Variants in USP40 observed in about 807,000 individuals in gnomAD.
The protein encoded by USP40 is ubiquitin specific peptidase 40, also known as ubiquitin carboxyl-terminal hydrolase 40.
A neutral mutation model predicts 166.2 loss-of-function variants in USP40; 143 were observed. The observed-to-expected ratio is 0.86, with a 90% CI of 0.75 to 0.99. USP40 has a LOEUF of 0.99. Among genes scored for constraint, USP40 ranks in the 50% least tolerant of loss-of-function variants. The probability of loss-of-function intolerance (pLI) is 0.00; values close to 1 mark genes in which losing one functional copy is unlikely to be tolerated. For missense variants in USP40, 1,444 were observed against 1,479.7 expected, an observed-to-expected ratio of 0.98 and a Z score of 0.40; for synonymous variants, 498 against 524.0, an observed-to-expected ratio of 0.95 and a Z score of 0.68.
chr2:233,537,308 T>TG (rs533217306), intron 10 of USP40, among the ~76,000 whole-genome samples: 23 of 152,320 alleles, frequency 1.5e-4, no homozygotes, highest in African/African-American at 5.5e-4. Flanking sequence ...GGGTGTCATC[T>TG]GGGGATTCTA....
chr2:233,495,559 C>G (rs2065697052), intron 24 of USP40, among the ~76,000 whole-genome samples: 1 of 152,064 alleles, frequency 6.6e-6, no homozygotes. Context: ...GCCTAGCCTA[C>G]CTTTTATCTC....
intron 23 of USP40, 118 bp from the exon 24 acceptor site, chr2:233,496,950 G>C: frequency 1.5e-6 from 1 of 666,184 alleles, no homozygotes; most frequent in Non-Finnish European, 2.5e-6. Context: ...TAATAAAGCA[G>C]ATATGGAAGA....
intron 11 of USP40, 71 bp from the exon 12 acceptor site, chr2:233,529,583 G>C (rs2068328543): frequency 1.8e-6 from 2 of 1,094,588 alleles, no homozygotes; most frequent in African/African-American, 2.1e-5. Flanking sequence ...GTAGCATGAA[G>C]ACTAGGAAGG....
chr2:233,488,516 G>A (rs2065098075), intron 27 of USP40, among the ~76,000 whole-genome samples: 1 of 152,186 alleles, frequency 6.6e-6, no homozygotes, highest in South Asian at 2.1e-4. Flanking sequence ...AAACATGTAG[G>A]TCTGGCTCTG....
Position 233,540,736 on chromosome 2 carries a change from C to A in USP40, c.1096G>T (p.Gly366Cys). 6.2e-7 allele frequency: 1 copy of A among 1,613,250 alleles called. No individual in the cohort carries two copies. The highest frequency in any genetic ancestry group is 8.5e-7 in the Non-Finnish European group (1 of 1,179,578). Residue 366 changes from glycine (G) to cysteine (C), a missense_variant, in exon 10 of 32, where the codon GGC becomes TGC. Coordinates refer to ENST00000678225, the MANE Select transcript of USP40 (RefSeq NM_001365479.2). ...ENNLIPVDQL[G>C]QKLLKKIGIS... ...CCTATCTTTTTCAAAAGTTTCTGGCCCAGCTGATCAACAGGAATTAGATTA... is the reference window on the plus strand; with the variant it reads ...CCTATCTTTTTCAAAAGTTTCTGGCACAGCTGATCAACAGGAATTAGATTA...
intron 6 of USP40, among the ~76,000 whole-genome samples, chr2:233,553,961 T>C (rs2070816997): frequency 6.6e-6 from 1 of 152,176 alleles, no homozygotes; most frequent in Admixed American, 6.5e-5. Context: ...CTATATTGGA[T>C]TTGCCAGAGT....
intron 18 of USP40, among the ~76,000 whole-genome samples, chr2:233,515,274 G>A (rs984926764): frequency 6.6e-6 from 1 of 152,186 alleles, no homozygotes; most frequent in Non-Finnish European, 1.5e-5. Context: ...GTAAGTGGAT[G>A]TTTAAATTTA....
intron 10 of USP40, among the ~76,000 whole-genome samples, 176 bp from the exon 11 acceptor site, chr2:233,533,955 C>G (rs1323144263): frequency 1.3e-5 from 2 of 152,172 alleles, no homozygotes; most frequent in African/African-American, 4.8e-5. Flanking sequence ...AATAAAACCA[C>G]AGTGCTCTGT....
At chr2:233,488,587 G>A (rs1036153552) in intron 27 of USP40, among the ~76,000 whole-genome samples, 13 of 152,226 alleles carry the variant, frequency 8.5e-5, no homozygotes, top group African/African-American at 3.1e-4. Context: ...AGATTCTCAT[G>A]CCAGTCACTT....
Position 233,565,399 on chromosome 2 carries a change from GAGGTAAC to G in USP40, c.149_155del (p.Cys50SerfsTer56), listed in dbSNP as rs1218241521. The G allele has an allele frequency of 6.5e-7, 1 of 1,537,148 alleles. No individual in the cohort carries two copies. Among genetic ancestry groups the G allele is most frequent in the African/African-American group, 1.4e-5 (1 of 73,040 alleles). On this transcript the variant is annotated frameshift_variant, in exon 2 of 32. Coordinates refer to ENST00000678225, the MANE Select transcript of USP40 (RefSeq NM_001365479.2). LOFTEE classifies it high-confidence loss of function. ...AATGAAGAGTCTGAAGAAGGGAATTGAGGTAACAGGTTCCACCCTGATTTCTGATTCC... is the reference window on the plus strand; with the variant it reads ...AATGAAGAGTCTGAAGAAGGGAATTGAGGTTCCACCCTGATTTCTGATTCC...
At position 233,559,791 on chromosome 2, in the gene USP40, T is replaced by TA; in HGVS notation, c.381+19dup. ...TCCTCTATTGCTGGTAACTCTTCCT[T>TA]AAAGAGCTGATCCTCGTACCTCATT... is the stretch of plus-strand genomic sequence containing the variant. On this transcript the variant is annotated intron_variant, in intron 4 of 31. Coordinates refer to ENST00000678225, the MANE Select transcript of USP40 (RefSeq NM_001365479.2). The TA allele has an allele frequency of 6.4e-7, 1 of 1,553,418 alleles. No individual in the cohort carries two copies. Among genetic ancestry groups the TA allele is most frequent in the South Asian group, 1.2e-5 (1 of 84,046 alleles).
Position 233,529,345 on chromosome 2 carries a change from A to T in USP40, c.1553+86T>A. On this transcript the variant is annotated intron_variant, in intron 12 of 31. Transcript: ENST00000678225. ...CAAGTTGACTATTTTTTTTCTTTTT[A>T]ATTTTCATTACTGAATGCTTAAGGC... 8.6e-6 allele frequency: 10 copies of T among 1,162,596 alleles called. No individual in the cohort carries two copies. In the Admixed American group the frequency reaches 1.2e-4, roughly 14 times the overall value. 72.0% of individuals were successfully genotyped at this position (1,162,596 alleles called of 1,614,324 possible). A position where few individuals can be genotyped will look rare whatever the true frequency, so the allele number is the denominator to read the frequency against.
rs879790967 is a variant in USP40, at chr2:233,482,363, C to CAA, written c.3505-1068_3505-1067dup. ...TGGGTGACAGAGTGAGACTCTGTCT[C>CAA]AAAAAAAAAAAAAAATCTGTCAATT... On this transcript the variant is annotated intron_variant, in intron 30 of 31. Coordinates refer to ENST00000678225, the MANE Select transcript of USP40 (RefSeq NM_001365479.2). Among the ~76,000 whole-genome samples, 859 of 119,388 alleles carry CAA rather than the reference C, an allele frequency of 7.2e-3. 4 individuals carry two copies. Among genetic ancestry groups the CAA allele is most frequent in the African/African-American group, 0.025 (811 of 31,978 alleles). The allele number at this position is 119,388 out of a possible 152,430, so 78.3% of individuals were successfully genotyped here. A position where few individuals can be genotyped will look rare whatever the true frequency, so the allele number is the denominator to read the frequency against.
chr2:233,510,392 CTTTT>C (rs1158427662), intron 20 of USP40, among the ~76,000 whole-genome samples: 19 of 68,684 alleles, frequency 2.8e-4, no homozygotes, highest in African/African-American at 8.9e-4. Flanking sequence ...CTTTTTCTTT[CTTTT>C]TTTTTTTTTT....
intron 11 of USP40, among the ~76,000 whole-genome samples, chr2:233,533,061 A>T (rs2068665759): frequency 6.6e-6 from 1 of 152,016 alleles, no homozygotes; most frequent in African/African-American, 2.4e-5. Flanking sequence ...AAAATAAAGG[A>T]GAAGATATAA....
In USP40 at chr2:233,562,775, C is replaced by A; in HGVS notation, c.228G>T (p.Glu76Asp). The A allele has an allele frequency of 6.5e-7, 1 of 1,536,514 alleles. No homozygotes were observed. Among genetic ancestry groups the A allele is most frequent in the Non-Finnish European group, 8.8e-7 (1 of 1,139,218 alleles). Residue 76 changes from glutamate to aspartate, a missense_variant, in exon 3 of 32, where the codon GAG (glutamate) becomes GAT (aspartate). Transcript: ENST00000678225. ...REALFSLGPE[E>D]LGLFEDKDKP... ...TATCCTTATCTTCAAACAAACCAAG[C>A]TCTTCTGGGCCAAGAGAAAATAGAG... is the stretch of plus-strand genomic sequence containing the variant.
intron 18 of USP40, among the ~76,000 whole-genome samples, chr2:233,513,289 T>C (rs1170481418): frequency 1.3e-5 from 2 of 152,174 alleles, no homozygotes; most frequent in African/African-American, 4.8e-5. Flanking sequence ...TATAACTCCA[T>C]ATACTTTTGT....
At chr2:233,478,244 G>A (rs1459202659) in intron 31 of USP40, among the ~76,000 whole-genome samples, 1 of 152,244 alleles carries the variant, frequency 6.6e-6, no homozygotes, top group Non-Finnish European at 1.5e-5. Flanking sequence ...AGCAGATGCA[G>A]CAGGAGGTAC....
intron 18 of USP40, among the ~76,000 whole-genome samples, chr2:233,515,480 C>T (rs1288081431): frequency 6.6e-6 from 1 of 151,858 alleles, no homozygotes; most frequent in Admixed American, 6.6e-5. Context: ...AGCATTTTTT[C>T]CTGTACTTAC....
Sources: allele counts gnomAD v4.1 joint callset (sites outside exome capture counted in the v4.1 genomes callset), GRCh38; gene constraint gnomAD v4.1.1; transcripts MANE v1.5; gene names NCBI Gene and HGNC (gene_info 2026-07-23, HGNC 2026-07-21).